SMPX: variants seen among roughly 807,000 people sequenced by gnomAD.
The protein encoded by SMPX is small muscular protein.
Under a neutral mutation model 6.3 loss-of-function variants are expected in SMPX, and 2 were observed. The observed-to-expected ratio is 0.32, with a 90% CI of 0.13 to 0.99. The LOEUF (loss-of-function observed/expected upper bound fraction) is 0.99, where lower values mean the gene tolerates loss of function less well. Among genes scored for constraint, SMPX ranks in the 50% least tolerant of loss-of-function variants. The pLI, the probability that SMPX is intolerant of heterozygous loss-of-function variation, is 0.49. For synonymous variants in SMPX, 32 were observed against 24.7 expected, an observed-to-expected ratio of 1.30 and a Z score of -0.88; for missense variants, 60 against 66.8, an observed-to-expected ratio of 0.90 and a Z score of 0.36.
At chrX:21,712,079 C>T (rs766719830) in intron 4 of SMPX, among the ~76,000 whole-genome samples, 13 of 112,139 alleles carry the variant, frequency 1.2e-4, no homozygotes, top group African/African-American at 1.6e-4. Context: ...CTCAGAGAGG[C>T]GCTCAGCCTA....
At chrX:21,731,539 GTGTGTA>G (rs777503376) in intron 4 of SMPX, among the ~76,000 whole-genome samples, 6 of 80,940 alleles carry the variant, frequency 7.4e-5, no homozygotes, top group Admixed American at 2.8e-4. Flanking sequence ...TACACATTAT[GTGTGTA>G]TGTGTATATA....
intron 2 of SMPX, among the ~76,000 whole-genome samples, chrX:21,748,245 G>A (rs753178276): frequency 3.2e-4 from 36 of 111,764 alleles, no homozygotes; most frequent in African/African-American, 8.8e-4. Context: ...TTCAAAACAC[G>A]GAAAACTTTC....
At chrX:21,715,320 GCT>G (rs200612271) in intron 4 of SMPX, among the ~76,000 whole-genome samples, 128 of 109,049 alleles carry the variant, frequency 1.2e-3, no homozygotes, top group African/African-American at 3.9e-3. Flanking sequence ...ACGCGCGCGC[GCT>G]CGCGCGCTGG....
chrX:21,720,748 A>G (rs747201202), intron 4 of SMPX, among the ~76,000 whole-genome samples: 2 of 112,213 alleles, frequency 1.8e-5, no homozygotes, highest in South Asian at 7.5e-4. Flanking sequence ...CATCCTGAGA[A>G]CTTATGGATT....
At chrX:21,744,543 G>A (rs1192382454) in intron 2 of SMPX, among the ~76,000 whole-genome samples, 1 of 111,780 alleles carries the variant, frequency 8.9e-6, no homozygotes, top group Non-Finnish European at 1.9e-5. Context: ...ATTAGGTAAG[G>A]ATATATTGAC....
chrX:21,710,761 A>AACCT (rs2092777803), intron 4 of SMPX, among the ~76,000 whole-genome samples: 1 of 111,858 alleles, frequency 8.9e-6, no homozygotes, highest in Non-Finnish European at 1.9e-5. Context: ...AAGCTGGGCC[A>AACCT]GTGCTATCAA....
chrX:21,740,893 A>C (rs941588867), intron 3 of SMPX, among the ~76,000 whole-genome samples: 1 of 112,552 alleles, frequency 8.9e-6, no homozygotes, highest in Admixed American at 9.4e-5. Flanking sequence ...ATAGTATTTC[A>C]GTCAAAAGAG....
At chrX:21,724,650 A>G (rs1489628410) in intron 4 of SMPX, among the ~76,000 whole-genome samples, 1 of 111,972 alleles carries the variant, frequency 8.9e-6, no homozygotes, top group Admixed American at 9.5e-5. Context: ...CTACATGGTG[A>G]TCCTACTTTT....
chrX:21,743,430 C>T (rs866863256), intron 3 of SMPX, among the ~76,000 whole-genome samples: 10 of 62,343 alleles, frequency 1.6e-4, no homozygotes, highest in African/African-American at 1.1e-3. Context: ...CACACACACA[C>T]GCATACACAC....
intron 3 of SMPX, among the ~76,000 whole-genome samples, chrX:21,740,723 A>G (rs1485568818): frequency 8.9e-6 from 1 of 112,381 alleles, no homozygotes; most frequent in African/African-American, 3.2e-5. Flanking sequence ...CTTACAGTGG[A>G]GAAGACTCAG....
At chrX:21,730,795 C>T (rs950602567) in intron 4 of SMPX, among the ~76,000 whole-genome samples, 1 of 112,181 alleles carries the variant, frequency 8.9e-6, no homozygotes, top group Non-Finnish European at 1.9e-5. Context: ...GTCTCTGTTA[C>T]ATTGTTATAG....
intron 4 of SMPX, among the ~76,000 whole-genome samples, chrX:21,714,879 G>T (rs1159969564): frequency 1.8e-5 from 2 of 111,790 alleles, no homozygotes; most frequent in African/African-American, 6.5e-5. Flanking sequence ...ATTTACATGG[G>T]CTCTTTACAT....
chrX:21,728,254 C>T (rs867980264), intron 4 of SMPX, among the ~76,000 whole-genome samples: 2 of 90,603 alleles, frequency 2.2e-5, no homozygotes, highest in African/African-American at 4.4e-5. Flanking sequence ...CTCTCTCTCT[C>T]TCTCTCTCTC....
intron 4 of SMPX, among the ~76,000 whole-genome samples, chrX:21,720,967 G>A (rs935909208): frequency 8.9e-6 from 1 of 112,548 alleles, no homozygotes; most frequent in African/African-American, 3.2e-5. Context: ...CATTCCCAAA[G>A]GGTGCAAGTG....
At chrX:21,746,258 G>A (rs1489228054) in intron 2 of SMPX, among the ~76,000 whole-genome samples, 1 of 111,951 alleles carries the variant, frequency 8.9e-6, no homozygotes, top group Non-Finnish European at 1.9e-5. Context: ...TTTGAGGTTA[G>A]TATTATCATC....
At chrX:21,717,357 G>C (rs1370099273) in intron 4 of SMPX, among the ~76,000 whole-genome samples, 1 of 112,148 alleles carries the variant, frequency 8.9e-6, no homozygotes, top group East Asian at 2.8e-4. Flanking sequence ...ATAATTGAAA[G>C]TTTCCTGAGG....
chrX:21,755,632 T>C (rs1211419318), intron 1 of SMPX, among the ~76,000 whole-genome samples: 4 of 112,236 alleles, frequency 3.6e-5, no homozygotes, highest in African/African-American at 6.5e-5. Flanking sequence ...AGATAAAAGA[T>C]CTGAAAAGAA....
At chrX:21,731,788 G>T (rs2092805323) in intron 4 of SMPX, among the ~76,000 whole-genome samples, 1 of 97,414 alleles carries the variant, frequency 1.0e-5, no homozygotes, top group Non-Finnish European at 2.1e-5. Context: ...ACATTTGTGT[G>T]TATATGTGTA....
intron 4 of SMPX, among the ~76,000 whole-genome samples, chrX:21,720,064 T>C (rs2092790001): frequency 8.9e-6 from 1 of 112,278 alleles, no homozygotes; most frequent in Non-Finnish European, 1.9e-5. Context: ...GCCTTCAAGA[T>C]GTCTCCCAAT....
Sources: allele counts gnomAD v4.1 joint callset (sites outside exome capture counted in the v4.1 genomes callset), GRCh38; gene constraint gnomAD v4.1.1; transcripts MANE v1.5; gene names NCBI Gene and HGNC (gene_info 2026-07-23, HGNC 2026-07-21).